The following WDPCP variants were observed in gnomAD, a reference collection of about 807,000 sequenced individuals.
WDPCP encodes the protein WD repeat-containing and planar cell polarity effector protein fritz homolog.
In WDPCP, 71 loss-of-function variants were observed where a neutral mutation model predicts 93.1. That is an observed-to-expected ratio of 0.76 (90% confidence interval 0.63 to 0.93). The LOEUF is 0.93. WDPCP is among the 40% of genes least tolerant of loss of function. The pLI, the probability that WDPCP is intolerant of heterozygous loss-of-function variation, is 0.00. For missense variants in WDPCP, 844 were observed against 887.4 expected, an observed-to-expected ratio of 0.95 and a Z score of 0.62; for synonymous variants, 315 against 315.0, an observed-to-expected ratio of 1.00 and a Z score of 0.00.
intron 14 of WDPCP, among the ~76,000 whole-genome samples, chr2:63,235,853 A>G (rs1209031460): frequency 6.6e-6 from 1 of 152,196 alleles, no homozygotes; most frequent in East Asian, 1.9e-4. Context: ...CCTCACAATA[A>G]TAAGAGCCAT....
chr2:63,506,611 C>T (rs1701891012), intron 1 of WDPCP, among the ~76,000 whole-genome samples: 1 of 151,980 alleles, frequency 6.6e-6, no homozygotes, highest in African/African-American at 2.4e-5. Flanking sequence ...CGTACTGGAA[C>T]CCTAGAAAAG....
chr2:63,755,414 T>G (rs1669951412), intron 2 of WDPCP, among the ~76,000 whole-genome samples: 1 of 152,196 alleles, frequency 6.6e-6, no homozygotes, highest in Admixed American at 6.5e-5. Context: ...TATAGTTGGT[T>G]AGCCATGTGC....
intron 1 of WDPCP, among the ~76,000 whole-genome samples, chr2:63,502,037 C>A (rs536825378): frequency 6.6e-6 from 1 of 152,176 alleles, no homozygotes; most frequent in Non-Finnish European, 1.5e-5. Flanking sequence ...TCCAAGCTGC[C>A]CTCCTCACTC....
intron 12 of WDPCP, among the ~76,000 whole-genome samples, chr2:63,363,886 C>G (rs141601303): frequency 2.0e-5 from 3 of 151,770 alleles, no homozygotes; most frequent in African/African-American, 7.3e-5. Flanking sequence ...AAGATAATAC[C>G]CAATTTTTGC....
upstream of WDPCP, chr2:63,593,602 A>G (rs768621783): frequency 1.1e-5 from 5 of 471,730 alleles, no homozygotes; most frequent in South Asian, 7.7e-5. Context: ...GGGCTTAGTC[A>G]CATCAGTGGA....
chr2:63,219,310 A>G (rs144823976), intron 14 of WDPCP, among the ~76,000 whole-genome samples: 1 of 152,222 alleles, frequency 6.6e-6, no homozygotes, highest in East Asian at 1.9e-4. Context: ...TGAAGCAGAC[A>G]TAAGCATAGG....
intron 14 of WDPCP, among the ~76,000 whole-genome samples, chr2:63,231,547 G>T (rs1020006292): frequency 6.6e-6 from 1 of 152,038 alleles, no homozygotes; most frequent in African/African-American, 2.4e-5. Flanking sequence ...CAGACAAGCC[G>T]AGAGCCAAAT....
intron 3 of WDPCP, among the ~76,000 whole-genome samples, chr2:63,604,459 A>G (rs1375381005): frequency 6.6e-6 from 1 of 152,254 alleles, no homozygotes; most frequent in African/African-American, 2.4e-5. Context: ...GGGATGCTTC[A>G]TACCCTTAAA....
chr2:63,621,912 A>G (rs1709741971), intron 3 of WDPCP, among the ~76,000 whole-genome samples: 1 of 151,818 alleles, frequency 6.6e-6, no homozygotes, highest in African/African-American at 2.4e-5. Flanking sequence ...GTTTTAGGGT[A>G]CATGTGCACA....
At chr2:63,780,322 G>T (rs1670367986) in intron 2 of WDPCP, among the ~76,000 whole-genome samples, 1 of 152,116 alleles carries the variant, frequency 6.6e-6, no homozygotes, top group African/African-American at 2.4e-5. Flanking sequence ...AATGCATATT[G>T]CATGTATCAC....
At chr2:63,616,044 A>ATGG (rs1469240279) in intron 3 of WDPCP, among the ~76,000 whole-genome samples, 2 of 152,224 alleles carry the variant, frequency 1.3e-5, no homozygotes, top group African/African-American at 4.8e-5. Flanking sequence ...TAGTCTGTGC[A>ATGG]TGGCATTGTG....
At chr2:63,712,610 T>C (rs1010436875) in intron 2 of WDPCP, among the ~76,000 whole-genome samples, 5 of 152,220 alleles carry the variant, frequency 3.3e-5, no homozygotes, top group Non-Finnish European at 1.5e-5. Context: ...GGCTTTCTCC[T>C]GTCTGCCACT....
intron 12 of WDPCP, among the ~76,000 whole-genome samples, chr2:63,362,481 C>T (rs1690561202): frequency 6.6e-6 from 1 of 151,982 alleles, no homozygotes; most frequent in Non-Finnish European, 1.5e-5. Context: ...GTACCCAGTA[C>T]TGCCAGGAGA....
intron 12 of WDPCP, among the ~76,000 whole-genome samples, chr2:63,332,676 TCA>T (rs1490268621): frequency 6.6e-6 from 1 of 152,242 alleles, no homozygotes; most frequent in East Asian, 1.9e-4. Flanking sequence ...GAGAATATTC[TCA>T]GTTTGTGGCT....
At chr2:63,701,160 A>C (rs1296497617) in intron 2 of WDPCP, among the ~76,000 whole-genome samples, 1 of 152,250 alleles carries the variant, frequency 6.6e-6, no homozygotes, top group African/African-American at 2.4e-5. Flanking sequence ...TCAATAGCAA[A>C]ACAACAAATA....
At chr2:63,265,056 G>A (rs946322360) in intron 13 of WDPCP, among the ~76,000 whole-genome samples, 6 of 152,144 alleles carry the variant, frequency 3.9e-5, no homozygotes, top group Non-Finnish European at 8.8e-5. Flanking sequence ...AGCAAAAGTA[G>A]TCCTAAGAGA....
intron 1 of WDPCP, among the ~76,000 whole-genome samples, chr2:63,514,453 C>T (rs1008794075): frequency 1.3e-5 from 2 of 152,118 alleles, no homozygotes; most frequent in Non-Finnish European, 2.9e-5. Flanking sequence ...ACCATTGATA[C>T]AGCTAATCAT....
chr2:63,298,422 A>G (rs1259240342), intron 13 of WDPCP, among the ~76,000 whole-genome samples: 2 of 151,944 alleles, frequency 1.3e-5, no homozygotes, highest in African/African-American at 2.4e-5. Context: ...AACCACCTTC[A>G]GGAAGACCCA....
At chr2:63,328,898 T>G (rs564936752) in intron 12 of WDPCP, among the ~76,000 whole-genome samples, 4 of 152,146 alleles carry the variant, frequency 2.6e-5, no homozygotes, top group Admixed American at 6.5e-5. Flanking sequence ...TGGCCAATTT[T>G]TTTTATCTTT....
Sources: allele counts gnomAD v4.1 joint callset (sites outside exome capture counted in the v4.1 genomes callset), GRCh38; gene constraint gnomAD v4.1.1; transcripts MANE v1.5; gene names NCBI Gene and HGNC (gene_info 2026-07-23, HGNC 2026-07-21).